The following CHMP4C variants were observed in gnomAD, a reference collection of about 807,000 sequenced individuals.
CHMP4C encodes the protein SNF7 homolog associated with Alix 3.
CHMP4C carries 28 observed loss-of-function variants against 29.0 expected under a neutral mutation model. The ratio of observed to expected loss-of-function variants is 0.97; its 90% CI spans 0.72 to 1.32. The LOEUF (loss-of-function observed/expected upper bound fraction) is 1.32. Ranked by LOEUF, CHMP4C falls within the 40% of genes most tolerant of loss-of-function variation. The pLI is 0.00. For missense variants in CHMP4C, 291 were observed against 281.0 expected, an observed-to-expected ratio of 1.04 and a Z score of -0.25; for synonymous variants, 106 against 102.4, an observed-to-expected ratio of 1.04 and a Z score of -0.21.
At chr8:81,732,847 C>T in intron 1 of CHMP4C, 31 bp downstream of exon 1, 1 of 1,591,254 alleles carries the variant, frequency 6.3e-7, no homozygotes, top group Non-Finnish European at 8.6e-7. Flanking sequence ...CAGGCGGGAG[C>T]CCATCTGCCT....
intron 2 of CHMP4C, 95 bp downstream of exon 2, chr8:81,753,336 C>T: frequency 1.2e-6 from 1 of 858,696 alleles, no homozygotes; most frequent in Non-Finnish European, 1.7e-6. Context: ...AATGGGTTTA[C>T]TCATTTGAGG....
At position 81,738,210 on chromosome 8, in the gene CHMP4C, ATCTAG is replaced by A. The variant is rs1480401469; in HGVS notation, c.190+5398_190+5402del. Among the ~76,000 whole-genome samples the A allele has an allele frequency of 2.0e-5, 3 of 152,278 alleles. No homozygotes were observed. In the East Asian group the frequency reaches 5.8e-4, roughly 29 times the overall value. On this transcript the variant is annotated intron_variant, in intron 1 of 4. Transcript: ENST00000297265. ...TATGTAAATATGTGAAAATGAGTGG[ATCTAG>A]TCTGGGGTGATTTGTAGGCTGATAA...
chr8:81,736,085 C>CT (rs1808685337), intron 1 of CHMP4C, among the ~76,000 whole-genome samples: 1 of 135,822 alleles, frequency 7.4e-6, no homozygotes. Context: ...GACTATGTCT[C>CT]AATAAATAAA....
At chr8:81,744,246 C>G (rs1419382958) in intron 1 of CHMP4C, among the ~76,000 whole-genome samples, 1 of 152,110 alleles carries the variant, frequency 6.6e-6, no homozygotes, top group African/African-American at 2.4e-5. Flanking sequence ...AAGATGTGCT[C>G]TATATTTGAG....
At chr8:81,752,070 G>T (rs1808910533) in intron 1 of CHMP4C, among the ~76,000 whole-genome samples, 1 of 151,954 alleles carries the variant, frequency 6.6e-6, no homozygotes, top group Non-Finnish European at 1.5e-5. Flanking sequence ...GCACTGGAAT[G>T]AATCAATCAA....
Position 81,753,196 on chromosome 8 carries a change from A to G in CHMP4C, c.323A>G (p.Asn108Ser). The G allele has an allele frequency of 6.2e-7, 1 of 1,609,602 alleles. No individual in the cohort carries two copies. The highest frequency in any genetic ancestry group is 8.5e-7 in the Non-Finnish European group (1 of 1,177,904). ...CACACCAACACTGAGGTGTTGAGGA[A>G]CATGGGCTTTGCAGCAAAAGCGATG... Reference protein sequence around the residue: ...NSHTNTEVLRNMGFAAKAMKS... With the variant: ...NSHTNTEVLRSMGFAAKAMKS... Residue 108 changes from asparagine (N) to serine (S), a missense_variant, in exon 2 of 5, where the codon AAC becomes AGC. Transcript: ENST00000297265.
chr8:81,749,567 A>G lies in CHMP4C; in HGVS notation c.191-3497A>G, dbSNP rs544710966. On this transcript the variant is annotated intron_variant, in intron 1 of 4. Transcript: ENST00000297265. ...ACTATAGTGTGATAAATGCACCAGC[A>G]GATACGGAAAAGCAATTTGGTATAA... Among the ~76,000 whole-genome samples the G allele has an allele frequency of 2.6e-5, 4 of 152,360 alleles. No individual in the cohort carries two copies. The East Asian group carries it at 7.7e-4, about 29-fold the overall frequency.
intron 1 of CHMP4C, among the ~76,000 whole-genome samples, chr8:81,739,671 TA>T (rs1222874695): frequency 8.5e-5 from 13 of 152,226 alleles, no homozygotes; most frequent in Non-Finnish European, 1.5e-4. Flanking sequence ...GTTGTTGTTT[TA>T]AACTTTGAGC....
intron 3 of CHMP4C, among the ~76,000 whole-genome samples, chr8:81,756,120 A>G (rs1808968747): frequency 6.6e-6 from 1 of 152,196 alleles, no homozygotes; most frequent in South Asian, 2.1e-4. Context: ...CATCTATGTG[A>G]TATTAAAAAT....
intron 3 of CHMP4C, among the ~76,000 whole-genome samples, chr8:81,756,090 G>A (rs1808968508): frequency 6.6e-6 from 1 of 152,120 alleles, no homozygotes. Flanking sequence ...GATTAGCATG[G>A]CAAAGAATCC....
intron 1 of CHMP4C, 86 bp downstream of exon 1, chr8:81,732,902 C>T: frequency 7.8e-7 from 1 of 1,277,510 alleles, no homozygotes; most frequent in South Asian, 1.5e-5. Flanking sequence ...ACTGAGGTCC[C>T]CAGGTGGCCA....
In CHMP4C at chr8:81,736,657, G is replaced by A. The variant is rs144692111; in HGVS notation, c.190+3841G>A. On this transcript the variant is annotated intron_variant, in intron 1 of 4. Transcript: ENST00000297265. ...AGTTTAGGTGGGTTTCTGATGGTGC[G>A]CACCTCTAATAGGGCACAGCACCTG... 5.1e-3 allele frequency among the ~76,000 whole-genome samples: 774 copies of A among 152,174 alleles called. 9 individuals are homozygous for A. The highest frequency in any genetic ancestry group is 0.016 in the African/African-American group (673 of 41,496).
At chr8:81,737,091 T>C (rs1226848324) in intron 1 of CHMP4C, among the ~76,000 whole-genome samples, 1 of 152,258 alleles carries the variant, frequency 6.6e-6, no homozygotes, top group Non-Finnish European at 1.5e-5. Flanking sequence ...TGAATGCAGT[T>C]TATTTAGATT....
intron 3 of CHMP4C, among the ~76,000 whole-genome samples, chr8:81,756,080 G>C (rs888861583): frequency 6.6e-6 from 1 of 152,138 alleles, no homozygotes; most frequent in Non-Finnish European, 1.5e-5. Flanking sequence ...CCAAAGCTTG[G>C]ATTAGCATGG....
rs200044183 is a variant in CHMP4C, at chr8:81,757,516, G to A, written c.484-626G>A. ...CTTACATTTTTAAGGTCTCAAACTA[G>A]CCTTGTCTCTCAAAAGTTTTTGGGA... On this transcript the variant is annotated intron_variant, in intron 3 of 4. Coordinates refer to ENST00000297265, the MANE Select transcript of CHMP4C (RefSeq NM_152284.4). Among the ~76,000 whole-genome samples, 3 of 152,288 alleles carry A rather than the reference G, an allele frequency of 2.0e-5. No homozygotes were observed. The East Asian group carries it at 5.8e-4, about 29-fold the overall frequency.
chr8:81,738,563 A>G (rs1460709829), intron 1 of CHMP4C, among the ~76,000 whole-genome samples: 1 of 152,204 alleles, frequency 6.6e-6, no homozygotes, highest in African/African-American at 2.4e-5. Context: ...GCTTTTTATC[A>G]TAGTTGTCAT....
intron 1 of CHMP4C, among the ~76,000 whole-genome samples, chr8:81,737,481 C>T (rs73694770): frequency 0.017 from 2,581 of 152,320 alleles, 76 homozygotes; most frequent in African/African-American, 0.057. Context: ...TGGCAATACA[C>T]ACCTTACAGG....
At chr8:81,742,814 A>T (rs140301661) in intron 1 of CHMP4C, among the ~76,000 whole-genome samples, 1 of 152,340 alleles carries the variant, frequency 6.6e-6, no homozygotes, top group East Asian at 1.9e-4. Context: ...GATTATGGTC[A>T]ACTAATTTGC....
chr8:81,739,580 A>G (rs1439156282), intron 1 of CHMP4C, among the ~76,000 whole-genome samples: 4 of 152,180 alleles, frequency 2.6e-5, no homozygotes, highest in East Asian at 1.9e-4. Context: ...CTCCCTTACC[A>G]GAAGCTCCAC....
Sources: allele counts gnomAD v4.1 joint callset (sites outside exome capture counted in the v4.1 genomes callset), GRCh38; gene constraint gnomAD v4.1.1; transcripts MANE v1.5; gene names NCBI Gene and HGNC (gene_info 2026-07-23, HGNC 2026-07-21).